The following PGM5 variants were observed in gnomAD, a reference collection of about 807,000 sequenced individuals.
The protein encoded by PGM5 is phosphoglucomutase-like protein 5.
PGM5 carries 23 observed loss-of-function variants against 59.2 expected under a neutral mutation model. The observed-to-expected ratio is 0.39, with a 90% CI of 0.28 to 0.55. The LOEUF (loss-of-function observed/expected upper bound fraction) is 0.55, where lower values mean the gene tolerates loss of function less well. PGM5 is among the 20% of genes least tolerant of loss of function. The pLI, the probability that PGM5 is intolerant of heterozygous loss-of-function variation, is 0.66. For synonymous variants in PGM5, 214 were observed against 286.0 expected, an observed-to-expected ratio of 0.75 and a Z score of 2.54; for missense variants, 574 against 748.3, an observed-to-expected ratio of 0.77 and a Z score of 2.72.
intron 6 of PGM5, among the ~76,000 whole-genome samples, chr9:68,426,687 A>G (rs1564002662): frequency 2.7e-5 from 4 of 150,584 alleles, no homozygotes; most frequent in Admixed American, 6.6e-5. Flanking sequence ...GTGAATGACC[A>G]TTTTTTTAAC....
chr9:68,479,065 C>T (rs1224038837), intron 7 of PGM5, among the ~76,000 whole-genome samples: 1 of 152,196 alleles, frequency 6.6e-6, no homozygotes, highest in Non-Finnish European at 1.5e-5. Flanking sequence ...GAGTAAAGAA[C>T]TATCTTGTTC....
intron 9 of PGM5, among the ~76,000 whole-genome samples, chr9:68,486,946 C>T (rs1554687571): frequency 6.6e-6 from 1 of 152,066 alleles, no homozygotes; most frequent in Non-Finnish European, 1.5e-5. Context: ...GTTATTATGT[C>T]TTTGTGATTT....
Position 68,483,962 on chromosome 9 carries a change from G to T in PGM5, c.1393G>T (p.Ala465Ser), listed in dbSNP as rs782298580. 6 of 1,614,172 alleles carry T rather than the reference G, an allele frequency of 3.7e-6. No individual in the cohort carries two copies. The highest frequency in any genetic ancestry group is 2.2e-5 in the South Asian group (2 of 91,082). The stretch of plus-strand genomic sequence containing the variant: ...CAAATCCTTCATTGGCCAGCAGTTT[G>T]CTGTGGGGAGCCATGTCTACAGCGT... ...TDKSFIGQQF[A>S]VGSHVYSVAK... is the part of the protein sequence containing the mutation. Residue 465 changes from alanine to serine, a missense_variant, in exon 9 of 11, where the codon GCT (alanine) becomes TCT (serine). Ala to Ser is a moderately conservative substitution (Grantham distance 99). Around this residue, in one of 7 missense-constraint regions of PGM5, gnomAD observed 300 missense variants for 280.0 expected, o/e 1.07. Coordinates refer to ENST00000396396, the MANE Select transcript of PGM5 (RefSeq NM_021965.4).
intron 6 of PGM5, among the ~76,000 whole-genome samples, chr9:68,445,821 G>A (rs1554683971): frequency 6.6e-6 from 1 of 152,242 alleles, no homozygotes; most frequent in Non-Finnish European, 1.5e-5. Flanking sequence ...CATTTGGGGA[G>A]TTACACTGAA....
rs1563984927 is a variant in PGM5, at chr9:68,376,851, C to CTT, written c.262-1347_262-1346insTT. ...TTTCTTTCTCTTTCTTTCTTTCTTT[C>CTT]TCTTTCTTTCTTTTTTCTTTCTCTT... On this transcript the variant is annotated intron_variant, in intron 1 of 10. Coordinates refer to ENST00000396396, the MANE Select transcript of PGM5 (RefSeq NM_021965.4). Among the ~76,000 whole-genome samples, 25 of 81,854 alleles carry CTT rather than the reference C, an allele frequency of 3.1e-4. 2 individuals carry two copies. Among genetic ancestry groups the CTT allele is most frequent in the African/African-American group, 5.7e-4 (13 of 22,658 alleles). The allele number at this position is 81,854 out of a possible 152,430, so 53.7% of individuals were successfully genotyped here.
At chr9:68,500,508 T>G (rs1824555169) in intron 10 of PGM5, among the ~76,000 whole-genome samples, 1 of 151,972 alleles carries the variant, frequency 6.6e-6, no homozygotes, top group African/African-American at 2.4e-5. Flanking sequence ...GCAAAGCAGG[T>G]GGCCAGCATG....
At chr9:68,392,051 A>C in intron 5 of PGM5, among the ~76,000 whole-genome samples, 1 of 152,074 alleles carries the variant, frequency 6.6e-6, no homozygotes, top group East Asian at 1.9e-4. Context: ...GTTCTCTATT[A>C]TGTTTGGGAG....
intron 8 of PGM5, among the ~76,000 whole-genome samples, chr9:68,482,466 G>A (rs1824213770): frequency 6.6e-6 from 1 of 152,188 alleles, no homozygotes; most frequent in African/African-American, 2.4e-5. Flanking sequence ...GGATGTAGAT[G>A]CAGGGGACCC....
intron 10 of PGM5, among the ~76,000 whole-genome samples, chr9:68,521,226 A>G (rs1824895706): frequency 6.6e-6 from 1 of 152,238 alleles, no homozygotes; most frequent in South Asian, 2.1e-4. Context: ...GACTGTTTAG[A>G]GATTAATTCA....
intron 6 of PGM5, among the ~76,000 whole-genome samples, chr9:68,427,160 G>T (rs1442035510): frequency 6.6e-6 from 1 of 152,212 alleles, no homozygotes; most frequent in Non-Finnish European, 1.5e-5. Context: ...CCCTGGCAGT[G>T]GAAGAGCTTA....
At position 68,375,404 on chromosome 9, in the gene PGM5, A is replaced by C. The variant is rs139498075; in HGVS notation, c.262-2795A>C. 9.2e-3 allele frequency among the ~76,000 whole-genome samples: 1,397 copies of C among 152,312 alleles called. 15 individuals carry two copies. Among genetic ancestry groups the C allele is most frequent in the Non-Finnish European group, 0.016 (1,084 of 68,022 alleles). Reference sequence around the variant, plus strand: ...TATTCTGTTCATCCTCCTTCCAAAAATGTATCTCAAACCAAATGACTAATT... The same window carrying C: ...TATTCTGTTCATCCTCCTTCCAAAACTGTATCTCAAACCAAATGACTAATT... On this transcript the variant is annotated intron_variant, in intron 1 of 10. Transcript: ENST00000396396.
At chr9:68,375,176 G>C (rs3953668) in intron 1 of PGM5, among the ~76,000 whole-genome samples, 1 of 152,220 alleles carries the variant, frequency 6.6e-6, no homozygotes, top group Non-Finnish European at 1.5e-5. Flanking sequence ...GAGAGCAGGG[G>C]AGAAGTGTCC....
intron 6 of PGM5, among the ~76,000 whole-genome samples, chr9:68,426,604 C>A (rs1459070958): frequency 6.6e-6 from 1 of 150,634 alleles, no homozygotes; most frequent in Non-Finnish European, 1.5e-5. Context: ...TTGTCTTTCT[C>A]TCTTTATTAT....
chr9:68,422,370 C>T (rs1474691020), intron 6 of PGM5, among the ~76,000 whole-genome samples: 1 of 152,078 alleles, frequency 6.6e-6, no homozygotes, highest in Non-Finnish European at 1.5e-5. Context: ...GGCTAATGTC[C>T]CCATCCCCTA....
chr9:68,492,380 A>T (rs1332965494), intron 9 of PGM5, among the ~76,000 whole-genome samples: 1 of 152,142 alleles, frequency 6.6e-6, no homozygotes, highest in Non-Finnish European at 1.5e-5. Flanking sequence ...CCCTCTCATC[A>T]CCTAGCATGG....
chr9:68,511,624 C>A (rs1824752827), intron 10 of PGM5, among the ~76,000 whole-genome samples: 1 of 132,108 alleles, frequency 7.6e-6, no homozygotes, highest in Admixed American at 8.8e-5. Context: ...AATCTCAGCT[C>A]ACTGCAACCT....
chr9:68,376,587 G>A (rs1442098280), intron 1 of PGM5, among the ~76,000 whole-genome samples: 3 of 149,520 alleles, frequency 2.0e-5, no homozygotes, highest in South Asian at 4.4e-4. Context: ...GGTCAGTGAC[G>A]GACCTCTAGC....
chr9:68,398,234 A>G (rs1160854595), intron 6 of PGM5: 23 of 152,362 alleles, frequency 1.5e-4, no homozygotes, highest in African/African-American at 5.5e-4. Flanking sequence ...ATATTAACAT[A>G]AAAGAAAAAA....
At chr9:68,491,623 C>A (rs1220391269) in intron 9 of PGM5, among the ~76,000 whole-genome samples, 4 of 152,196 alleles carry the variant, frequency 2.6e-5, no homozygotes, top group African/African-American at 9.6e-5. Context: ...TTTCTACTAG[C>A]CACTTTTCCT....
Sources: allele counts gnomAD v4.1 joint callset (sites outside exome capture counted in the v4.1 genomes callset), GRCh38; gene constraint gnomAD v4.1.1; regional missense constraint gnomAD v4.1.1; transcripts MANE v1.5; gene names NCBI Gene and HGNC (gene_info 2026-07-23, HGNC 2026-07-21).